The following PHACTR3 variants were observed in gnomAD, a reference collection of about 807,000 sequenced individuals.
PHACTR3 encodes phosphatase and actin regulator 3.
In PHACTR3, 16 loss-of-function variants were observed where a neutral mutation model predicts 66.8. That is an observed-to-expected ratio of 0.24 (90% confidence interval 0.16 to 0.36). PHACTR3 has a LOEUF of 0.36. PHACTR3 is among the 10% of genes least tolerant of loss of function. The probability of loss-of-function intolerance (pLI) is 1.00; values close to 1 mark genes in which losing one functional copy is unlikely to be tolerated. For missense variants in PHACTR3, 647 were observed against 719.9 expected, an observed-to-expected ratio of 0.90 and a Z score of 1.16; for synonymous variants, 323 against 292.1, an observed-to-expected ratio of 1.11 and a Z score of -1.08.
intron 8 of PHACTR3, among the ~76,000 whole-genome samples, chr20:59,814,592 C>T (rs954435085): frequency 7.9e-5 from 12 of 152,066 alleles, no homozygotes; most frequent in African/African-American, 2.9e-4. Flanking sequence ...ATTCAGAGCC[C>T]GTCGTGGTGT....
At chr20:59,605,155 CGGGCGGGT>C in intron 1 of PHACTR3, 23 bp downstream of exon 1, 1 of 234,696 alleles carries the variant, frequency 4.3e-6, no homozygotes, top group Non-Finnish European at 8.0e-6. Context: ...GCGGGGGCGG[CGGGCGGGT>C]CGGGGAGGCC....
intron 11 of PHACTR3, among the ~76,000 whole-genome samples, chr20:59,841,858 G>A (rs1010857698): frequency 2.0e-5 from 3 of 152,040 alleles, no homozygotes; most frequent in South Asian, 2.1e-4. Context: ...CCACAACAAA[G>A]GATTATCTAG....
intron 3 of PHACTR3, among the ~76,000 whole-genome samples, chr20:59,753,143 C>T (rs2039660744): frequency 6.7e-6 from 1 of 149,744 alleles, no homozygotes; most frequent in African/African-American, 2.5e-5. Context: ...AAAAGACTTT[C>T]ATAAAAATTA....
intron 1 of PHACTR3, among the ~76,000 whole-genome samples, chr20:59,588,672 C>G (rs1053875305): frequency 6.6e-6 from 1 of 152,244 alleles, no homozygotes. Flanking sequence ...CTTCTCAGCC[C>G]CTCCAGCTGC....
chr20:59,662,286 C>G (rs1339864378), intron 1 of PHACTR3, among the ~76,000 whole-genome samples: 1 of 152,030 alleles, frequency 6.6e-6, no homozygotes, highest in East Asian at 1.9e-4. Flanking sequence ...GGGCATTTAG[C>G]AGGGAGATTT....
At chr20:59,786,101 T>TC (rs2040905810) in intron 7 of PHACTR3, among the ~76,000 whole-genome samples, 1 of 152,246 alleles carries the variant, frequency 6.6e-6, no homozygotes, top group African/African-American at 2.4e-5. Flanking sequence ...GCCAGCTCCC[T>TC]CCTCAACTGA....
rs959069930 is a variant in PHACTR3, at chr20:59,790,719, C to T, written c.1175-15322C>T. Among the ~76,000 whole-genome samples the T allele has an allele frequency of 2.6e-5, 4 of 152,304 alleles. No individual in the cohort carries two copies. The South Asian group carries it at 8.3e-4, about 32-fold the overall frequency. On this transcript the variant is annotated intron_variant, in intron 7 of 12. Coordinates refer to ENST00000371015, the MANE Select transcript of PHACTR3 (RefSeq NM_080672.5). Reference sequence around the variant, plus strand: ...ATGGTATGATCCTACTTTTGTAAGACATCAGAATTAAGTGGGAGTCTGTAA... The same window carrying T: ...ATGGTATGATCCTACTTTTGTAAGATATCAGAATTAAGTGGGAGTCTGTAA...
At chr20:59,667,254 AAATC>A (rs1431382828) in intron 1 of PHACTR3, among the ~76,000 whole-genome samples, 1 of 152,230 alleles carries the variant, frequency 6.6e-6, no homozygotes, top group African/African-American at 2.4e-5. Context: ...TAAAAGTAAA[AAATC>A]AACCAACCCT....
chr20:59,695,194 T>G (rs1267452146), intron 1 of PHACTR3, among the ~76,000 whole-genome samples: 1 of 152,198 alleles, frequency 6.6e-6, no homozygotes, highest in Non-Finnish European at 1.5e-5. Flanking sequence ...ATTGTACCAC[T>G]GATATGGTTT....
At chr20:59,596,756 G>A (rs1045698790) in intron 1 of PHACTR3, among the ~76,000 whole-genome samples, 2 of 152,188 alleles carry the variant, frequency 1.3e-5, no homozygotes, top group African/African-American at 4.8e-5. Flanking sequence ...CAGGGCGGTG[G>A]TGTATTTTTG....
chr20:59,845,266 G>A lies in PHACTR3; in HGVS notation c.1664+1G>A. Reference sequence around the variant, plus strand: ...ATGCATCAAGCAAGCACTTGACAAGGTCAGATTTGTTTCTGTGAATTTCAT... The same window carrying A: ...ATGCATCAAGCAAGCACTTGACAAGATCAGATTTGTTTCTGTGAATTTCAT... On this transcript the variant is annotated splice_donor_variant, in intron 12 of 12. Coordinates refer to ENST00000371015, the MANE Select transcript of PHACTR3 (RefSeq NM_080672.5). LOFTEE classifies it high-confidence loss of function. 1 of 1,597,924 alleles carries A rather than the reference G, an allele frequency of 6.3e-7. No individual in the cohort carries two copies.
intron 1 of PHACTR3, among the ~76,000 whole-genome samples, chr20:59,709,804 C>T (rs2037847214): frequency 6.6e-6 from 1 of 151,986 alleles, no homozygotes; most frequent in African/African-American, 2.4e-5. Context: ...AGGTGGAACA[C>T]TAGTTTCCTG....
intron 8 of PHACTR3, among the ~76,000 whole-genome samples, chr20:59,834,761 C>T (rs554549147): frequency 3.3e-5 from 5 of 152,270 alleles, no homozygotes; most frequent in South Asian, 2.1e-4. Context: ...CCACCATATC[C>T]GCCATTTCCT....
intron 1 of PHACTR3, among the ~76,000 whole-genome samples, chr20:59,691,069 A>G (rs1425522084): frequency 6.6e-6 from 1 of 152,184 alleles, no homozygotes; most frequent in Non-Finnish European, 1.5e-5. Flanking sequence ...ATCAAGAAAG[A>G]GGCCTCCCAC....
intron 1 of PHACTR3, among the ~76,000 whole-genome samples, chr20:59,642,821 C>T (rs1305855443): frequency 2.0e-5 from 3 of 152,192 alleles, no homozygotes; most frequent in Non-Finnish European, 4.4e-5. Context: ...ACTTGCTGTC[C>T]TGCCAACATT....
chr20:59,757,221 G>T (rs929174929), intron 4 of PHACTR3, among the ~76,000 whole-genome samples: 10 of 152,232 alleles, frequency 6.6e-5, no homozygotes, highest in African/African-American at 1.9e-4. Flanking sequence ...CTTGATGGGG[G>T]TCACGCTTCT....
chr20:59,839,796 C>T (rs749230163), intron 9 of PHACTR3, among the ~76,000 whole-genome samples: 10 of 152,074 alleles, frequency 6.6e-5, no homozygotes, highest in South Asian at 2.1e-4. Flanking sequence ...GGAGAGTCAG[C>T]GAGGTTCATA....
At chr20:59,739,346 G>C (rs1334994698) in intron 1 of PHACTR3, among the ~76,000 whole-genome samples, 1 of 152,158 alleles carries the variant, frequency 6.6e-6, no homozygotes, top group East Asian at 1.9e-4. Flanking sequence ...ACTTGTATTA[G>C]TCCGTTTTCA....
Position 59,829,893 on chromosome 20 carries a change from G to A in PHACTR3, c.1329-6612G>A, listed in dbSNP as rs537528731. Among the ~76,000 whole-genome samples the A allele has an allele frequency of 2.0e-5, 3 of 152,332 alleles. No individual in the cohort carries two copies. The highest frequency in any genetic ancestry group is 4.1e-4 in the South Asian group (2 of 4,824). ...TCAAGATTTGGGGGATGTGCGTTTA[G>A]TGGGGCAGCCTGGCTGGGTGGGGCT... On this transcript the variant is annotated intron_variant, in intron 8 of 12. Coordinates refer to ENST00000371015, the MANE Select transcript of PHACTR3 (RefSeq NM_080672.5). The surrounding 1 kb of genome is among the most constrained non-coding windows in gnomAD (Gnocchi z 4.2).
Sources: gnomAD v4.1 joint callset for allele counts (sites outside exome capture counted in the v4.1 genomes callset) on GRCh38, gnomAD v4.1.1 for gene constraint, Gnocchi (gnomAD v3.1) non-coding constraint, MANE v1.5 for transcripts, NCBI Gene and HGNC (gene_info 2026-07-23, HGNC 2026-07-21) for gene names.